The following PLCG2 variants were observed in gnomAD, a reference collection of about 807,000 sequenced individuals.
The protein encoded by PLCG2 is phospholipase C gamma 2.
Under a neutral mutation model 175.6 loss-of-function variants are expected in PLCG2, and 69 were observed. That is an observed-to-expected ratio of 0.39 (90% confidence interval 0.32 to 0.48). The LOEUF is 0.48. PLCG2 is among the 20% of genes least tolerant of loss of function. The pLI, the probability that PLCG2 is intolerant of heterozygous loss-of-function variation, is 0.91. For missense variants in PLCG2, 1,798 were observed against 1,650.9 expected, an observed-to-expected ratio of 1.09 and a Z score of -1.54; for synonymous variants, 827 against 624.0, an observed-to-expected ratio of 1.33 and a Z score of -4.85.
At chr16:81,800,521 T>C (rs1911672914) in intron 2 of PLCG2, among the ~76,000 whole-genome samples, 1 of 152,176 alleles carries the variant, frequency 6.6e-6, no homozygotes, top group Admixed American at 6.5e-5. Context: ...CAGCTTCATC[T>C]ATGTCCCTGC....
rs1909875796 is a variant in PLCG2 at position 81,917,093 on chromosome 16, C to A, written c.2055-2391C>A. Reference sequence around the variant, plus strand: ...ACCCTGGTAACCACCATTCTACTCTCCACTTCCGTGAGTTTAAACCTTTTT... The same window carrying A: ...ACCCTGGTAACCACCATTCTACTCTACACTTCCGTGAGTTTAAACCTTTTT... On this transcript the variant is annotated intron_variant, in intron 19 of 32. Coordinates refer to ENST00000564138, the MANE Select transcript of PLCG2 (RefSeq NM_002661.5). Among the ~76,000 whole-genome samples, 4 of 152,214 alleles carry A rather than the reference C, an allele frequency of 2.6e-5. No individual in the cohort carries two copies. The South Asian group carries it at 8.3e-4, about 32-fold the overall frequency.
At chr16:81,746,330 G>T (rs1437537074) in intron 1 of PLCG2, among the ~76,000 whole-genome samples, 1 of 152,208 alleles carries the variant, frequency 6.6e-6, no homozygotes, top group Non-Finnish European at 1.5e-5. Context: ...CCCCAGCACA[G>T]GTGGAGAACC....
chr16:81,778,065 C>G (rs1269802849), upstream of PLCG2, among the ~76,000 whole-genome samples: 1 of 32,288 alleles, frequency 3.1e-5, no homozygotes, highest in East Asian at 5.7e-4. Flanking sequence ...CAAAAAAAAC[C>G]AAAAACACAC....
chr16:81,787,703 A>AC (rs1911044619), intron 2 of PLCG2, among the ~76,000 whole-genome samples: 2 of 152,028 alleles, frequency 1.3e-5, no homozygotes, highest in African/African-American at 4.8e-5. Context: ...TCAAGATGAA[A>AC]CCCCATACCT....
At chr16:81,765,292 T>A (rs569639154) in intron 2 of PLCG2, among the ~76,000 whole-genome samples, 229 of 151,180 alleles carry the variant, frequency 1.5e-3, no homozygotes, top group Admixed American at 2.8e-3. Context: ...CACCCAAAGC[T>A]TGGAGAGAGG....
At chr16:81,823,800 G>A (rs543891653) in intron 2 of PLCG2, among the ~76,000 whole-genome samples, 2 of 151,944 alleles carry the variant, frequency 1.3e-5, no homozygotes, top group South Asian at 4.2e-4. Context: ...AAAGTGCTGG[G>A]ATTCCAGGCA....
chr16:81,960,867 G>C lies in PLCG2; in HGVS notation c.*2869G>C, dbSNP rs1597159768. Reference sequence around the variant, plus strand: ...AGACTCCAGTACTCTCAGGGGAGCAGTGTTCAGAGCCTCATCTTCCTGTTA... The same window carrying C: ...AGACTCCAGTACTCTCAGGGGAGCACTGTTCAGAGCCTCATCTTCCTGTTA... On this transcript the variant is annotated 3_prime_UTR_variant, in exon 33 of 33. Transcript: ENST00000564138. The C allele has an allele frequency of 4.3e-6, 1 of 229,930 alleles. No homozygotes were observed. Among genetic ancestry groups the C allele is most frequent in the Non-Finnish European group, 8.6e-6 (1 of 115,980 alleles). 14.2% of individuals were successfully genotyped at this position (229,930 alleles called of 1,614,324 possible).
intron 2 of PLCG2, among the ~76,000 whole-genome samples, chr16:81,767,142 T>G (rs996555526): frequency 1.5e-5 from 2 of 136,016 alleles, no homozygotes; most frequent in Admixed American, 7.4e-5. Flanking sequence ...CGTGGTTTTT[T>G]TTTTTTTTTT....
chr16:81,802,334 G>A (rs867239468), intron 2 of PLCG2, among the ~76,000 whole-genome samples: 1 of 150,494 alleles, frequency 6.6e-6, no homozygotes, highest in South Asian at 2.1e-4. Flanking sequence ...GGATGGTCTC[G>A]ATCTCCTGAC....
chr16:81,815,759 A>G (rs1264940963), intron 2 of PLCG2, among the ~76,000 whole-genome samples: 3 of 152,186 alleles, frequency 2.0e-5, no homozygotes, highest in Non-Finnish European at 4.4e-5. Context: ...TAAGTGCGCT[A>G]TAATTGAGCA....
At chr16:81,867,817 C>T (rs981430305) in intron 5 of PLCG2, among the ~76,000 whole-genome samples, 2 of 152,256 alleles carry the variant, frequency 1.3e-5, no homozygotes, top group Admixed American at 1.3e-4. Context: ...TCTGCCTCAG[C>T]CTCCTGAGTA....
intron 2 of PLCG2, among the ~76,000 whole-genome samples, chr16:81,805,906 C>G (rs1443445270): frequency 2.7e-5 from 4 of 149,896 alleles, no homozygotes; most frequent in Non-Finnish European, 4.4e-5. Context: ...TCCTGAGTAG[C>G]TGGGATTACA....
Position 81,960,400 on chromosome 16 carries a change from C to A in PLCG2, c.*2402C>A, listed in dbSNP as rs111619838. On this transcript the variant is annotated 3_prime_UTR_variant, in exon 33 of 33. Transcript: ENST00000564138. The stretch of plus-strand genomic sequence containing the variant: ...AAAGATGGAAGCAGCACTGATAGAT[C>A]AAAACCACCACTGCATATGTATTAC... 36 of 223,616 alleles carry A rather than the reference C, an allele frequency of 1.6e-4. No homozygotes were observed. Among genetic ancestry groups the A allele is most frequent in the African/African-American group, 7.8e-4 (35 of 44,906 alleles). 13.9% of individuals were successfully genotyped at this position (223,616 alleles called of 1,614,324 possible). A position where few individuals can be genotyped will look rare whatever the true frequency, so the allele number is the denominator to read the frequency against.
Position 81,877,268 on chromosome 16 carries a change from C to A in PLCG2, c.649-3642C>A, listed in dbSNP as rs141764477. Among the ~76,000 whole-genome samples the A allele has an allele frequency of 8.5e-5, 13 of 152,298 alleles. 1 individual carries two copies. The East Asian group carries it at 2.3e-3, about 27-fold the overall frequency. ...AGGAGATCGAGACCATCCTGGCTGA[C>A]ACGGTGAAACCCTGTCTCTACTAAA... On this transcript the variant is annotated intron_variant, in intron 7 of 32. Transcript: ENST00000564138.
Position 81,960,937 on chromosome 16 carries a change from CACCTT to C in PLCG2, c.*2942_*2946del, listed in dbSNP as rs1159243583. ...TCTGCCTGAGAAAATGCCCTTTTCT[CACCTT>C]ACAAAAGAAAATATGGCTGTCTCCA... is the stretch of plus-strand genomic sequence containing the variant. On this transcript the variant is annotated 3_prime_UTR_variant, in exon 33 of 33. Transcript: ENST00000564138. 8.7e-6 allele frequency: 2 copies of C among 229,046 alleles called. No homozygotes were observed. The highest frequency in any genetic ancestry group is 1.7e-5 in the Non-Finnish European group (2 of 115,578). 14.2% of individuals were successfully genotyped at this position (229,046 alleles called of 1,614,324 possible).
intron 22 of PLCG2, among the ~76,000 whole-genome samples, chr16:81,924,654 C>T (rs547978010): frequency 6.6e-6 from 1 of 152,338 alleles, no homozygotes; most frequent in South Asian, 2.1e-4. Flanking sequence ...CAGGGATTAT[C>T]AAACTTTTTC....
intron 15 of PLCG2, among the ~76,000 whole-genome samples, chr16:81,907,319 GT>G (rs1821894790): frequency 6.6e-6 from 1 of 151,600 alleles, no homozygotes. Flanking sequence ...AAAAAAAGAA[GT>G]CATTAAGCCA....
At chr16:81,782,565 TC>T (rs1467568525) in intron 1 of PLCG2, among the ~76,000 whole-genome samples, 2 of 152,212 alleles carry the variant, frequency 1.3e-5, no homozygotes, top group African/African-American at 4.8e-5. Flanking sequence ...ACTCCAGGGA[TC>T]TTTTGGCCGT....
At chr16:81,949,278 C>A (rs1046152165) in intron 31 of PLCG2, among the ~76,000 whole-genome samples, 1 of 152,116 alleles carries the variant, frequency 6.6e-6, no homozygotes, top group Non-Finnish European at 1.5e-5. Context: ...TTCTGAGGGC[C>A]CACTTGGTTG....
Sources: allele counts gnomAD v4.1 joint callset (sites outside exome capture counted in the v4.1 genomes callset), GRCh38; gene constraint gnomAD v4.1.1; transcripts MANE v1.5; gene names NCBI Gene and HGNC (gene_info 2026-07-23, HGNC 2026-07-21).